Variants in JAKMIP1 observed in about 807,000 individuals in gnomAD.
JAKMIP1 encodes the protein janus kinase and microtubule interacting protein 1.
JAKMIP1 carries 33 observed loss-of-function variants against 113.0 expected under a neutral mutation model. The observed-to-expected ratio is 0.29, with a 90% CI of 0.22 to 0.39. The LOEUF (loss-of-function observed/expected upper bound fraction) is 0.39. Among genes scored for constraint, JAKMIP1 ranks in the 10% least tolerant of loss-of-function variants. JAKMIP1 has a pLI of 1.00. For missense variants in JAKMIP1, 813 were observed against 1,080.5 expected (o/e 0.75, Z 3.47); for synonymous variants, 480 against 459.9 (o/e 1.04, Z -0.56).
In JAKMIP1 at chr4:6,199,647, G is replaced by T. The variant is rs1728227975; in HGVS notation, c.-148+606C>A. On this transcript the variant is annotated intron_variant, in intron 1 of 20. Transcript: ENST00000409021. The surrounding 1 kb of genome is among the most constrained non-coding windows in gnomAD (Gnocchi z 5.6). ...CCGGCGCCCACGTGGGCGGAGCAGC[G>T]CGAGGGTGTGCGTGGCAGGGGCCGC... Among the ~76,000 whole-genome samples the T allele has an allele frequency of 1.3e-5, 2 of 151,832 alleles. No individual in the cohort carries two copies. Among genetic ancestry groups the T allele is most frequent in the South Asian group, 4.1e-4 (2 of 4,832 alleles).
intron 2 of JAKMIP1, among the ~76,000 whole-genome samples, chr4:6,110,995 G>A (rs1313857733): frequency 6.6e-6 from 1 of 151,986 alleles, no homozygotes; most frequent in Non-Finnish European, 1.5e-5. Context: ...AAAGAGGCTG[G>A]ATGCACTCGG....
chr4:6,181,315 A>G lies in JAKMIP1; in HGVS notation c.-148+18938T>C, dbSNP rs1725991333. On this transcript the variant is annotated intron_variant, in intron 1 of 20. Transcript: ENST00000409021. The surrounding 1 kb of genome is among the most constrained non-coding windows in gnomAD (Gnocchi z 5.4). ...GGGAGGGTCATGCTGAGAGAGGAAG[A>G]GACCAGGGGCTCGAAGAGTAACACT... is the stretch of plus-strand genomic sequence containing the variant. Among the ~76,000 whole-genome samples, 1 of 152,230 alleles carries G rather than the reference A, an allele frequency of 6.6e-6. No individual in the cohort carries two copies. The highest frequency in any genetic ancestry group is 2.4e-5 in the African/African-American group (1 of 41,464).
intron 11 of JAKMIP1, among the ~76,000 whole-genome samples, chr4:6,057,474 G>T (rs565706660): frequency 6.6e-6 from 1 of 152,142 alleles, no homozygotes; most frequent in Non-Finnish European, 1.5e-5. Flanking sequence ...CCGGCCTAGG[G>T]TCTGGTCCCA....
At chr4:6,119,929 A>C (rs187331327) in intron 1 of JAKMIP1, among the ~76,000 whole-genome samples, 1 of 152,360 alleles carries the variant, frequency 6.6e-6, no homozygotes, top group East Asian at 1.9e-4. Flanking sequence ...ATAGTTTTAT[A>C]GGAGGATTCA....
chr4:6,028,381 C>T (rs952572918), intron 20 of JAKMIP1, among the ~76,000 whole-genome samples: 9 of 152,168 alleles, frequency 5.9e-5, no homozygotes, highest in Non-Finnish European at 1.2e-4. Flanking sequence ...CACAGATCCT[C>T]GGTCCACTTG....
At position 6,142,851 on chromosome 4, in the gene JAKMIP1, G is replaced by A. The variant is rs780070676; in HGVS notation, c.-147-29854C>T. Among the ~76,000 whole-genome samples the A allele has an allele frequency of 1.3e-5, 2 of 152,210 alleles. No individual in the cohort carries two copies. The highest frequency in any genetic ancestry group is 2.9e-5 in the Non-Finnish European group (2 of 68,046). On this transcript the variant is annotated intron_variant, in intron 1 of 20. Coordinates refer to ENST00000409021, the MANE Select transcript of JAKMIP1 (RefSeq NM_001099433.2). This position sits in a 1 kb window ranked among gnomAD's most constrained non-coding sequence, Gnocchi z 5.5. ...AACAACTTCATTGCTTACAGGTGAGGAAACGGAGGATGGAAAGGTTTAAGG... is the reference window on the plus strand; with the variant it reads ...AACAACTTCATTGCTTACAGGTGAGAAAACGGAGGATGGAAAGGTTTAAGG...
rs1000419945 is a variant in JAKMIP1, at chr4:6,040,809, C to A, written c.2098-93G>T. 3.2e-6 allele frequency: 3 copies of A among 931,418 alleles called. No individual in the cohort carries two copies. Among genetic ancestry groups the A allele is most frequent in the Non-Finnish European group, 3.4e-6 (2 of 585,380 alleles). The allele number at this position is 931,418 out of a possible 1,614,324, so 57.7% of individuals were successfully genotyped here. A position where few individuals can be genotyped will look rare whatever the true frequency, so the allele number is the denominator to read the frequency against. On this transcript the variant is annotated intron_variant, in intron 17 of 20. Coordinates refer to ENST00000409021, the MANE Select transcript of JAKMIP1 (RefSeq NM_001099433.2). The surrounding 1 kb of genome is among the most constrained non-coding windows in gnomAD (Gnocchi z 5.8). ...GTTTGCTAGAGAGTGGCAGTCTCAC[C>A]GAATTGGGGGCACTCAGATGAGAAG... is the stretch of plus-strand genomic sequence containing the variant.
At chr4:6,191,246 C>T (rs549482908) in intron 1 of JAKMIP1, among the ~76,000 whole-genome samples, 1 of 152,210 alleles carries the variant, frequency 6.6e-6, no homozygotes, top group African/African-American at 2.4e-5. Context: ...CCAGACAGCT[C>T]TACCCCTGCG....
Position 6,081,971 on chromosome 4 carries a change from A to G in JAKMIP1, c.955-216T>C, listed in dbSNP as rs764888659. On this transcript the variant is annotated intron_variant, in intron 5 of 20. Transcript: ENST00000409021. This position sits in a 1 kb window ranked among gnomAD's most constrained non-coding sequence, Gnocchi z 4.6. ...AGAATCACGGCAGCTCCTGTCTCCT[A>G]GGCACATGGTGAGAATTGAATGCAT... Among the ~76,000 whole-genome samples, 3 of 152,160 alleles carry G rather than the reference A, an allele frequency of 2.0e-5. No individual in the cohort carries two copies. Among genetic ancestry groups the G allele is most frequent in the Non-Finnish European group, 2.9e-5 (2 of 68,026 alleles).
intron 16 of JAKMIP1, among the ~76,000 whole-genome samples, chr4:6,045,175 C>T (rs1714825444): frequency 6.6e-6 from 1 of 152,266 alleles, no homozygotes; most frequent in South Asian, 2.1e-4. Context: ...TGGCTCAGAC[C>T]TATGCCTCAT....
At chr4:6,037,886 G>A (rs1713744079) in intron 18 of JAKMIP1, among the ~76,000 whole-genome samples, 1 of 143,854 alleles carries the variant, frequency 7.0e-6, no homozygotes, top group Admixed American at 6.8e-5. Flanking sequence ...GGTTAACCCA[G>A]TAGCCCTCCA....
chr4:6,069,046 A>C lies in JAKMIP1; in HGVS notation c.1303-4038T>G, dbSNP rs554708426. Reference sequence around the variant, plus strand: ...GTCTTTATTAATAAAAAATAGAAACAATATATTAATGTTTAAAGTAAAAAC... The same window carrying C: ...GTCTTTATTAATAAAAAATAGAAACCATATATTAATGTTTAAAGTAAAAAC... On this transcript the variant is annotated intron_variant, in intron 8 of 20. Transcript: ENST00000409021. The surrounding 1 kb of genome is among the most constrained non-coding windows in gnomAD (Gnocchi z 4.5). Among the ~76,000 whole-genome samples the C allele has an allele frequency of 1.1e-4, 17 of 152,324 alleles. No homozygotes were observed. In the South Asian group the frequency reaches 3.5e-3, roughly 32 times the overall value.
Position 6,140,802 on chromosome 4 carries a change from C to T in JAKMIP1, c.-147-27805G>A, listed in dbSNP as rs1027543887. 1.3e-5 allele frequency among the ~76,000 whole-genome samples: 2 copies of T among 152,130 alleles called. No individual in the cohort carries two copies. The highest frequency in any genetic ancestry group is 2.9e-5 in the Non-Finnish European group (2 of 68,034). ...AATAAGAAAGATGCAATTAAGTAGG[C>T]AATTGTAATAAAGAAAATTACTGAC... On this transcript the variant is annotated intron_variant, in intron 1 of 20. Coordinates refer to ENST00000409021, the MANE Select transcript of JAKMIP1 (RefSeq NM_001099433.2). This position sits in a 1 kb window ranked among gnomAD's most constrained non-coding sequence, Gnocchi z 9.4.
chr4:6,124,040 G>A (rs2108914966), intron 1 of JAKMIP1, among the ~76,000 whole-genome samples: 1 of 152,364 alleles, frequency 6.6e-6, no homozygotes, highest in Non-Finnish European at 1.5e-5. Context: ...GCTTGGAGGT[G>A]AGGTGCCATA....
chr4:6,084,318 CAA>C (rs34850390), intron 5 of JAKMIP1, among the ~76,000 whole-genome samples: 2,588 of 123,014 alleles, frequency 0.021, 66 homozygotes, highest in African/African-American at 0.068. Flanking sequence ...AACTTTATCT[CAA>C]AAAAAAAAAA....
intron 1 of JAKMIP1, among the ~76,000 whole-genome samples, chr4:6,169,435 C>T (rs1457163976): frequency 2.6e-5 from 4 of 152,138 alleles, no homozygotes; most frequent in Non-Finnish European, 2.9e-5. Flanking sequence ...ACAGCCGCCA[C>T]CACTAGGGGT....
rs146690351 is a variant in JAKMIP1, at chr4:6,116,991, G to T, written c.-147-3994C>A. On this transcript the variant is annotated intron_variant, in intron 1 of 20. Transcript: ENST00000409021. This position sits in a 1 kb window ranked among gnomAD's most constrained non-coding sequence, Gnocchi z 5.1. Reference sequence around the variant, plus strand: ...GCCCAGTGCAAAATGAAAACGTGAGGCTCCTTGTTCAAAATTATTAAGACT... The same window carrying T: ...GCCCAGTGCAAAATGAAAACGTGAGTCTCCTTGTTCAAAATTATTAAGACT... Among the ~76,000 whole-genome samples, 1 of 152,166 alleles carries T rather than the reference G, an allele frequency of 6.6e-6. No homozygotes were observed. The highest frequency in any genetic ancestry group is 1.5e-5 in the Non-Finnish European group (1 of 68,032).
In JAKMIP1 at chr4:6,108,609, C is replaced by T. The variant is rs1714359556; in HGVS notation, c.130-2642G>A. 6.6e-6 allele frequency among the ~76,000 whole-genome samples: 1 copy of T among 152,302 alleles called. No homozygotes were observed. Among genetic ancestry groups the T allele is most frequent in the Non-Finnish European group, 1.5e-5 (1 of 68,022 alleles). ...ATGTCCAGGCCTGGCCACTTCCCCA[C>T]TTCCCCCTTGCCCAAGCCACCTGCA... On this transcript the variant is annotated intron_variant, in intron 2 of 20. Transcript: ENST00000409021. The surrounding 1 kb of genome is among the most constrained non-coding windows in gnomAD (Gnocchi z 5.6).
chr4:6,118,160 A>C (rs1716120423), intron 1 of JAKMIP1, among the ~76,000 whole-genome samples: 1 of 152,270 alleles, frequency 6.6e-6, no homozygotes, highest in South Asian at 2.1e-4. Flanking sequence ...AGACAGGCAT[A>C]AGAAATTACA....
Sources: gnomAD v4.1 joint callset for allele counts (sites outside exome capture counted in the v4.1 genomes callset) on GRCh38, gnomAD v4.1.1 for gene constraint, Gnocchi (gnomAD v3.1) non-coding constraint, MANE v1.5 for transcripts, NCBI Gene and HGNC (gene_info 2026-07-23, HGNC 2026-07-21) for gene names.